KCNA6: variants seen among roughly 807,000 people sequenced by gnomAD.
KCNA6 encodes the protein human brain potassium channel-2.
A neutral mutation model predicts 29.5 loss-of-function variants in KCNA6; 17 were observed. The observed-to-expected ratio is 0.58, with a 90% CI of 0.39 to 0.86. KCNA6 has a LOEUF of 0.86. Ranked by LOEUF, KCNA6 falls within the 40% of genes least tolerant of loss-of-function variation. The pLI, the probability that KCNA6 is intolerant of heterozygous loss-of-function variation, is 0.00. For synonymous variants in KCNA6, 296 were observed against 304.7 expected (o/e 0.97, Z 0.30); for missense variants, 450 against 703.4 (o/e 0.64, Z 4.07).
At chr12:4,827,181 C>T in the KCNA6 span, among the ~76,000 whole-genome samples, 414 of 59,142 alleles carry the variant, frequency 7.0e-3, 4 homozygotes, top group Admixed American at 0.013. Context: ...TCTTTCCTTC[C>T]TTCCCTCCTT....
chr12:4,810,147 G>A lies in KCNA6; in HGVS notation c.106G>A (p.Gly36Ser). 1 of 1,605,726 alleles carries A rather than the reference G, an allele frequency of 6.2e-7. No homozygotes were observed. Among genetic ancestry groups the A allele is most frequent in the Non-Finnish European group, 8.5e-7 (1 of 1,176,424 alleles). ...CTTCCCGGAGGCCGGCGGGGGCGGG[G>A]GCTGCTGTAGTAGCGAGCGGCTGGT... The change falls in exon 1 of 1, where the codon GGC becomes AGC. Residue 36 changes from glycine (G) to serine (S), a missense_variant. By Grantham distance (56) the Gly-to-Ser change is moderately conservative (BLOSUM62 0). Transcript: ENST00000280684. The surrounding 1 kb of genome is among the most constrained non-coding windows in gnomAD (Gnocchi z 7.5).
the KCNA6 span, among the ~76,000 whole-genome samples, chr12:4,826,861 C>A: frequency 6.6e-6 from 1 of 152,206 alleles, no homozygotes; most frequent in East Asian, 1.9e-4. Context: ...ATACTCCAGT[C>A]TATTATTTTA....
chr12:4,820,546 AACACACACACACACACAC>A, the KCNA6 span, among the ~76,000 whole-genome samples: 99 of 134,762 alleles, frequency 7.3e-4, no homozygotes, highest in Non-Finnish European at 1.2e-3. Flanking sequence ...GGATTACCTA[AACACACACACACACACAC>A]ACACACACAC....
At chr12:4,814,102 A>C (rs1302850584), downstream of KCNA6, 1 of 167,072 alleles carries the variant, frequency 6.0e-6, no homozygotes, top group Non-Finnish European at 1.5e-5. This position sits in a 1 kb window ranked among gnomAD's most constrained non-coding sequence, Gnocchi z 4.6. Flanking sequence ...GGACTTTTGG[A>C]AAATGTGGAG....
chr12:4,840,530 GC>G, the KCNA6 span, among the ~76,000 whole-genome samples: 1 of 152,234 alleles, frequency 6.6e-6, no homozygotes, highest in African/African-American at 2.4e-5. Flanking sequence ...GGGAATGAAT[GC>G]ACAGGGCTCT....
the KCNA6 span, among the ~76,000 whole-genome samples, chr12:4,823,317 A>G: frequency 9.8e-5 from 15 of 152,290 alleles, no homozygotes; most frequent in African/African-American, 3.4e-4. Context: ...ACTTCATGCA[A>G]TCATAATTCC....
At chr12:4,850,452 A>G in the KCNA6 span, among the ~76,000 whole-genome samples, 1 of 152,112 alleles carries the variant, frequency 6.6e-6, no homozygotes, top group East Asian at 1.9e-4. This position sits in a 1 kb window ranked among gnomAD's most constrained non-coding sequence, Gnocchi z 5.4. Context: ...TTAAAGGTGG[A>G]GTATTAATGA....
chr12:4,843,252 C>G, the KCNA6 span, among the ~76,000 whole-genome samples: 1 of 151,390 alleles, frequency 6.6e-6, no homozygotes, highest in Non-Finnish European at 1.5e-5. Context: ...GCGATCTCGG[C>G]TCACTGCAAG....
chr12:4,836,591 AG>A, the KCNA6 span, among the ~76,000 whole-genome samples: 6 of 152,176 alleles, frequency 3.9e-5, no homozygotes, highest in African/African-American at 9.7e-5. Context: ...AGTGAGAGAA[AG>A]GGTGCAGGAA....
At chr12:4,842,014 T>TGTGC in the KCNA6 span, among the ~76,000 whole-genome samples, 1 of 28,684 alleles carries the variant, frequency 3.5e-5, no homozygotes, top group Non-Finnish European at 8.9e-5. Context: ...GGAGCTTACG[T>TGTGC]GTGTGTGTGT....
At chr12:4,837,874 A>G in the KCNA6 span, among the ~76,000 whole-genome samples, 1 of 151,940 alleles carries the variant, frequency 6.6e-6, no homozygotes, top group Middle Eastern at 3.4e-3. Context: ...CTTACTGAGC[A>G]TCTGCTGGGA....
the KCNA6 span, among the ~76,000 whole-genome samples, chr12:4,821,800 C>T: frequency 4.4e-4 from 67 of 152,292 alleles, no homozygotes; most frequent in Admixed American, 1.4e-3. Flanking sequence ...CAGTGCCCAT[C>T]GCTTCTTAGT....
downstream of KCNA6, among the ~76,000 whole-genome samples, chr12:4,818,396 G>A (rs745903349): frequency 6.6e-6 from 1 of 152,212 alleles, no homozygotes; most frequent in Non-Finnish European, 1.5e-5. Flanking sequence ...CATGGGGCAA[G>A]TTATGAAACA....
rs1170380176 is a variant in KCNA6 at position 4,809,982 on chromosome 12, G to A, written c.-60G>A. On this transcript the variant is annotated 5_prime_UTR_variant, in exon 1 of 1. Coordinates refer to ENST00000280684, the Ensembl canonical transcript of KCNA6. ...CCGGGAGCTGGGGAGCGGGTGCCGC[G>A]CTCCAGAGATTGTGTCGTGGGCGCC... 3.4e-6 allele frequency: 5 copies of A among 1,486,326 alleles called. No individual in the cohort carries two copies. The East Asian group carries it at 6.9e-5, about 21-fold the overall frequency. 92.1% of individuals were successfully genotyped at this position (1,486,326 alleles called of 1,614,324 possible). A position where few individuals can be genotyped will look rare whatever the true frequency, so the allele number is the denominator to read the frequency against.
chr12:4,831,985 T>G, the KCNA6 span, among the ~76,000 whole-genome samples: 1 of 152,166 alleles, frequency 6.6e-6, no homozygotes, highest in Non-Finnish European at 1.5e-5. Context: ...GAAGATACGC[T>G]TAGCAAATAC....
the KCNA6 span, among the ~76,000 whole-genome samples, chr12:4,831,092 C>T: frequency 6.6e-6 from 1 of 152,226 alleles, no homozygotes; most frequent in Non-Finnish European, 1.5e-5. Flanking sequence ...CTGGTCTCCG[C>T]TGTGCCTCCT....
the KCNA6 span, among the ~76,000 whole-genome samples, chr12:4,844,667 C>T: frequency 6.6e-6 from 1 of 152,020 alleles, no homozygotes; most frequent in Non-Finnish European, 1.5e-5. The surrounding 1 kb of genome is among the most constrained non-coding windows in gnomAD (Gnocchi z 4.0). Context: ...TGCATAGGGC[C>T]TTTGGGCTAC....
the KCNA6 span, among the ~76,000 whole-genome samples, chr12:4,848,156 G>GT: frequency 6.6e-6 from 1 of 152,176 alleles, no homozygotes; most frequent in Non-Finnish European, 1.5e-5. Flanking sequence ...GGTGGGATGA[G>GT]TAGGTGCTTG....
chr12:4,809,961 G>C, exon 1 of KCNA6: 1 of 1,454,876 alleles, frequency 6.9e-7, no homozygotes, highest in East Asian at 2.3e-5. Context: ...GCGCAGCCGG[G>C]AGCTGGGGAG....
Sources: allele counts gnomAD v4.1 joint callset (sites outside exome capture counted in the v4.1 genomes callset), GRCh38; gene constraint gnomAD v4.1.1; non-coding constraint Gnocchi (gnomAD v3.1); transcripts MANE v1.5; gene names NCBI Gene and HGNC (gene_info 2026-07-23, HGNC 2026-07-21).